TUBB2A: variants seen among roughly 807,000 people sequenced by gnomAD.
The protein encoded by TUBB2A is tubulin beta-2A chain.
In TUBB2A, 7 loss-of-function variants were observed where a neutral mutation model predicts 33.9. The observed-to-expected ratio is 0.21, with a 90% CI of 0.12 to 0.39. The LOEUF is 0.39. TUBB2A is among the 10% of genes least tolerant of loss of function. The probability of loss-of-function intolerance (pLI) is 1.00; values close to 1 mark genes in which losing one functional copy is unlikely to be tolerated. For missense variants in TUBB2A, 80 were observed against 593.4 expected, an observed-to-expected ratio of 0.13 and a Z score of 8.99; for synonymous variants, 187 against 247.6, an observed-to-expected ratio of 0.76 and a Z score of 2.30.
In TUBB2A at chr6:3,155,148, T is replaced by A. The variant is rs970572924; in HGVS notation, c.278-225A>T. On this transcript the variant is annotated intron_variant, in intron 3 of 3. Coordinates refer to ENST00000333628, the MANE Select transcript of TUBB2A (RefSeq NM_001069.3). The surrounding 1 kb of genome is among the most constrained non-coding windows in gnomAD (Gnocchi z 4.2). ...GTTTAGCTCATCTGAGGCTATTGAT[T>A]GAGGAAGAGGATAGGGTTAGAAAAC... 2 of 1,257,306 alleles carry A rather than the reference T, an allele frequency of 1.6e-6. No individual in the cohort carries two copies. The highest frequency in any genetic ancestry group is 5.1e-5 in the East Asian group (2 of 39,164). The allele number at this position is 1,257,306 out of a possible 1,614,324, so 77.9% of individuals were successfully genotyped here.
chr6:3,153,745 C>A lies in TUBB2A; in HGVS notation c.*118G>T, dbSNP rs1762584927. 24 of 1,465,442 alleles carry A rather than the reference C, an allele frequency of 1.6e-5. No individual in the cohort carries two copies. The highest frequency in any genetic ancestry group is 2.2e-5 in the Non-Finnish European group (24 of 1,075,502). The allele number at this position is 1,465,442 out of a possible 1,614,324, so 90.8% of individuals were successfully genotyped here. ...TTTTTAGAGGAGTTCCACATCATTA[C>A]ATCAACAGTGTGAATTTCTAACAGA... On this transcript the variant is annotated 3_prime_UTR_variant, in exon 4 of 4. Transcript: ENST00000333628.
At chr6:3,157,344 C>T (rs1176961293) in intron 1 of TUBB2A, 63 bp downstream of exon 1, 2 of 1,351,046 alleles carry the variant, frequency 1.5e-6, no homozygotes, top group Non-Finnish European at 1.9e-6. Context: ...CTCCAGCCCC[C>T]GCCCCGGCCC....
rs1581499184 is a variant in TUBB2A at position 3,157,473 on chromosome 6, T to C, written c.-10A>G. The C allele has an allele frequency of 6.6e-7, 1 of 1,525,850 alleles. No homozygotes were observed. The highest frequency in any genetic ancestry group is 1.2e-5 in the South Asian group (1 of 82,930). The allele number at this position is 1,525,850 out of a possible 1,614,324, so 94.5% of individuals were successfully genotyped here. On this transcript the variant is annotated 5_prime_UTR_variant, in exon 1 of 4. Coordinates refer to ENST00000333628, the MANE Select transcript of TUBB2A (RefSeq NM_001069.3). ...GCACGATCTCGCGCATGGTGCCGGC[T>C]GCGGAGCGGGTGGCGCTGGCCCTCG...
Position 3,157,452 on chromosome 6 carries a change from G to T in TUBB2A, c.12C>A (p.Ile4=), listed in dbSNP as rs149710614. 2.2e-4 allele frequency: 340 copies of T among 1,543,108 alleles called. 1 individual carries two copies. Among genetic ancestry groups the T allele is most frequent in the Non-Finnish European group, 2.9e-4 (329 of 1,151,224 alleles). Residue 4 remains isoleucine, a synonymous_variant, in exon 1 of 4, where the codon ATC becomes ATA. Transcript: ENST00000333628. ...CGCACTGGCCCGCCTGGATGTGCACGATCTCGCGCATGGTGCCGGCTGCGG... is the reference window on the plus strand; with the variant it reads ...CGCACTGGCCCGCCTGGATGTGCACTATCTCGCGCATGGTGCCGGCTGCGG... MRE[I]VHIQAGQCGN... is the part of the protein sequence containing the mutation.
intron 1 of TUBB2A, among the ~76,000 whole-genome samples, chr6:3,156,891 G>A (rs918377110): frequency 2.0e-5 from 3 of 151,912 alleles, no homozygotes; most frequent in Admixed American, 1.3e-4. Flanking sequence ...CCCACCCAGC[G>A]CAGTCACCTG....
Position 3,155,998 on chromosome 6 carries a change from A to G in TUBB2A, c.166+46T>C. 6.8e-7 allele frequency: 1 copy of G among 1,478,908 alleles called. No individual in the cohort carries two copies. Among genetic ancestry groups the G allele is most frequent in the Non-Finnish European group, 9.1e-7 (1 of 1,094,712 alleles). 91.6% of individuals were successfully genotyped at this position (1,478,908 alleles called of 1,614,324 possible). ...GTTCCTGGGACGTTTCATCTCCCAC[A>G]TCATGGAAAGCAAGGATTCCTGGGC... On this transcript the variant is annotated intron_variant, in intron 2 of 3. Transcript: ENST00000333628. This position sits in a 1 kb window ranked among gnomAD's most constrained non-coding sequence, Gnocchi z 4.2.
At chr6:3,156,775 G>A (rs953678743) in intron 1 of TUBB2A, among the ~76,000 whole-genome samples, 2 of 152,170 alleles carry the variant, frequency 1.3e-5, no homozygotes, top group African/African-American at 2.4e-5. Context: ...GGCTGGGTGG[G>A]CAACATGGCG....
rs1178630736 is a variant in TUBB2A at position 3,154,013 on chromosome 6, G to A, written c.1188C>T (p.His396=). 1.3e-6 allele frequency: 2 copies of A among 1,597,814 alleles called. No homozygotes were observed. Among genetic ancestry groups the A allele is most frequent in the Admixed American group, 1.7e-5 (1 of 58,310 alleles). ...TAMFRRKAFL[H]WYTGEGMDEM... is the part of the protein sequence containing the mutation. ...CGTCCATGCCCTCGCCCGTGTACCA[G>A]TGCAGGAAGGCCTTGCGCCGGAACA... Residue 396 remains histidine (H), a synonymous_variant, in exon 4 of 4, where the codon CAC becomes CAT. Transcript: ENST00000333628.
chr6:3,156,460 G>A (rs1762636504), intron 1 of TUBB2A, among the ~76,000 whole-genome samples: 1 of 152,312 alleles, frequency 6.6e-6, no homozygotes, highest in African/African-American at 2.4e-5. Context: ...TGGAGAAGGG[G>A]TACAGGGAGG....
At position 3,155,113 on chromosome 6, in the gene TUBB2A, T is replaced by A; in HGVS notation, c.278-190A>T. On this transcript the variant is annotated intron_variant, in intron 3 of 3. Transcript: ENST00000333628. The surrounding 1 kb of genome is among the most constrained non-coding windows in gnomAD (Gnocchi z 4.2). ...AAAAACACTGGGGATCATAATAAAG[T>A]AAGAAGTAAGTTTAGCTCATCTGAG... 7.0e-7 allele frequency: 1 copy of A among 1,425,418 alleles called. No homozygotes were observed. The highest frequency in any genetic ancestry group is 9.3e-7 in the Non-Finnish European group (1 of 1,075,718). 88.3% of individuals were successfully genotyped at this position (1,425,418 alleles called of 1,614,324 possible).
chr6:3,155,001 G>A lies in TUBB2A; in HGVS notation c.278-78C>T. The stretch of plus-strand genomic sequence containing the variant: ...CTGTCATTTTGACTATGGAGGAGAA[G>A]GTAGGACTGGTCTTAGACTGGCAGA... On this transcript the variant is annotated intron_variant, in intron 3 of 3. Coordinates refer to ENST00000333628, the MANE Select transcript of TUBB2A (RefSeq NM_001069.3). The surrounding 1 kb of genome is among the most constrained non-coding windows in gnomAD (Gnocchi z 4.2). 6.3e-7 allele frequency: 1 copy of A among 1,591,216 alleles called. No individual in the cohort carries two copies. The highest frequency in any genetic ancestry group is 8.6e-7 in the Non-Finnish European group (1 of 1,168,560).
chr6:3,154,124 G>A lies in TUBB2A; in HGVS notation c.1077C>T (p.Arg359=), dbSNP rs756086976. 4 of 1,206,106 alleles carry A rather than the reference G, an allele frequency of 3.3e-6. No homozygotes were observed. Among genetic ancestry groups the A allele is most frequent in the Non-Finnish European group, 4.5e-6 (4 of 879,958 alleles). The allele number at this position is 1,206,106 out of a possible 1,614,324, so 74.7% of individuals were successfully genotyped here. The part of the protein sequence containing the change: ...VKTAVCDIPP[R]GLKMSATFIG... ...TGAAGGTGGCCGACATCTTCAGGCC[G>A]CGGGGCGGGATGTCGCACACGGCCG... The change falls in exon 4 of 4, where the codon CGC becomes CGT. Residue 359 remains arginine, a synonymous_variant. Coordinates refer to ENST00000333628, the MANE Select transcript of TUBB2A (RefSeq NM_001069.3).
chr6:3,156,279 G>C (rs1387371659), intron 1 of TUBB2A, 127 bp from the exon 2 acceptor site: 28 of 1,400,872 alleles, frequency 2.0e-5, no homozygotes, highest in Non-Finnish European at 2.6e-5. Context: ...GCTAGACAGA[G>C]AGCAAAGAGC....
At position 3,153,832 on chromosome 6, in the gene TUBB2A, A is replaced by G. The variant is rs1762587387; in HGVS notation, c.*31T>C. 6.2e-7 allele frequency: 1 copy of G among 1,612,608 alleles called. No homozygotes were observed. Among genetic ancestry groups the G allele is most frequent in the African/African-American group, 1.3e-5 (1 of 74,934 alleles). On this transcript the variant is annotated 3_prime_UTR_variant, in exon 4 of 4. Transcript: ENST00000333628. ...CCATGCTTGAGGACAACAGAAGTTC[A>G]CTAAGGATGCACGATTGATCTGAGA...
chr6:3,156,188 T>A, intron 1 of TUBB2A, 36 bp from the exon 2 acceptor site: 1 of 1,613,536 alleles, frequency 6.2e-7, no homozygotes, highest in Non-Finnish European at 8.5e-7. Context: ...TGGCTCTGCA[T>A]CCTGAATGTC....
At position 3,155,799 on chromosome 6, in the gene TUBB2A, C is replaced by A. The variant is rs1293655635; in HGVS notation, c.167-64G>T. The A allele has an allele frequency of 2.1e-6, 3 of 1,441,178 alleles. No homozygotes were observed. Among genetic ancestry groups the A allele is most frequent in the Non-Finnish European group, 9.6e-7 (1 of 1,037,350 alleles). The allele number at this position is 1,441,178 out of a possible 1,614,324, so 89.3% of individuals were successfully genotyped here. ...GAGGGACTCACAGCAGCATTCAATTCCAGCATCTGAGACAAAAGGAGAACA... is the reference window on the plus strand; with the variant it reads ...GAGGGACTCACAGCAGCATTCAATTACAGCATCTGAGACAAAAGGAGAACA... On this transcript the variant is annotated intron_variant, in intron 2 of 3. Coordinates refer to ENST00000333628, the MANE Select transcript of TUBB2A (RefSeq NM_001069.3). The surrounding 1 kb of genome is among the most constrained non-coding windows in gnomAD (Gnocchi z 4.2).
chr6:3,156,835 A>G (rs1296301105), intron 1 of TUBB2A, among the ~76,000 whole-genome samples: 1 of 151,850 alleles, frequency 6.6e-6, no homozygotes, highest in Non-Finnish European at 1.5e-5. Flanking sequence ...CCACCCATGC[A>G]CCAGACCCGC....
In TUBB2A at chr6:3,153,823, CAG is replaced by C. The variant is rs1277042627; in HGVS notation, c.*38_*39del. 3.7e-6 allele frequency: 6 copies of C among 1,611,436 alleles called. No homozygotes were observed. Among genetic ancestry groups the C allele is most frequent in the Admixed American group, 3.3e-5 (2 of 59,984 alleles). ...GTAGAAAGACCATGCTTGAGGACAA[CAG>C]AAGTTCACTAAGGATGCACGATTGA... On this transcript the variant is annotated 3_prime_UTR_variant, in exon 4 of 4. Transcript: ENST00000333628.
Position 3,157,497 on chromosome 6 carries a change from C to G in TUBB2A, c.-34G>C, listed in dbSNP as rs776602996. ...CTGCGGAGCGGGTGGCGCTGGCCCTCGGAGCGGTGCGCGGCGTGGACCGGC... is the reference window on the plus strand; with the variant it reads ...CTGCGGAGCGGGTGGCGCTGGCCCTGGGAGCGGTGCGCGGCGTGGACCGGC... On this transcript the variant is annotated 5_prime_UTR_variant, in exon 1 of 4. Coordinates refer to ENST00000333628, the MANE Select transcript of TUBB2A (RefSeq NM_001069.3). 1.7e-5 allele frequency: 25 copies of G among 1,484,444 alleles called. No homozygotes were observed. The highest frequency in any genetic ancestry group is 2.1e-5 in the Non-Finnish European group (23 of 1,121,924). The allele number at this position is 1,484,444 out of a possible 1,614,324, so 92.0% of individuals were successfully genotyped here.
Sources: allele counts gnomAD v4.1 joint callset (sites outside exome capture counted in the v4.1 genomes callset), GRCh38; gene constraint gnomAD v4.1.1; non-coding constraint Gnocchi (gnomAD v3.1); transcripts MANE v1.5; gene names NCBI Gene and HGNC (gene_info 2026-07-23, HGNC 2026-07-21).